The following NPM2 variants were observed in gnomAD, a reference collection of about 807,000 sequenced individuals.
The protein encoded by NPM2 is nucleophosmin/nucleoplasmin 2.
In NPM2, 25 loss-of-function variants were observed where a neutral mutation model predicts 32.0. That is an observed-to-expected ratio of 0.78 (90% confidence interval 0.57 to 1.09). The LOEUF (loss-of-function observed/expected upper bound fraction) is 1.09, where lower values mean the gene tolerates loss of function less well. Among genes scored for constraint, NPM2 ranks in the 50% least tolerant of loss-of-function variants. The pLI is 0.00. For missense variants in NPM2, 282 were observed against 259.9 expected, an observed-to-expected ratio of 1.08 and a Z score of -0.58; for synonymous variants, 111 against 94.2, an observed-to-expected ratio of 1.18 and a Z score of -1.04.
Position 22,036,833 on chromosome 8 carries a change from C to T in NPM2, c.*151C>T. On this transcript the variant is annotated 3_prime_UTR_variant, in exon 10 of 10. Transcript: ENST00000518119. ...TGAGAGCCCCTCACCCCCAACTCTC[C>T]ACTTTCAGGAGGCCCCCAGTGAAGA... 1 of 744,658 alleles carries T rather than the reference C, an allele frequency of 1.3e-6. No homozygotes were observed. Among genetic ancestry groups the T allele is most frequent in the Non-Finnish European group, 2.1e-6 (1 of 479,844 alleles). 46.1% of individuals were successfully genotyped at this position (744,658 alleles called of 1,614,324 possible).
chr8:22,027,283 T>G (rs1432097706), intron 5 of NPM2, among the ~76,000 whole-genome samples: 2 of 152,196 alleles, frequency 1.3e-5, no homozygotes, highest in African/African-American at 4.8e-5. Flanking sequence ...CTTGGAGGTT[T>G]GGGAGACCCC....
At chr8:22,036,562 G>A (rs1317336991) in intron 9 of NPM2, 36 bp downstream of exon 9, 7 of 1,578,158 alleles carry the variant, frequency 4.4e-6, no homozygotes, top group Non-Finnish European at 6.0e-6. Context: ...CCTTGGGACA[G>A]GCGAGTATTC....
chr8:22,026,697 C>T (rs896071986), intron 5 of NPM2, among the ~76,000 whole-genome samples: 19 of 152,260 alleles, frequency 1.2e-4, no homozygotes, highest in Non-Finnish European at 1.8e-4. Flanking sequence ...TCAGGTGATT[C>T]GCCCGCCTTG....
chr8:22,033,035 G>T, intron 5 of NPM2, 95 bp from the exon 6 acceptor site: 1 of 882,142 alleles, frequency 1.1e-6, no homozygotes. Context: ...GTAGGGTTTG[G>T]GGAGGGAAAT....
intron 5 of NPM2, among the ~76,000 whole-genome samples, chr8:22,031,411 C>T (rs1461347336): frequency 6.6e-6 from 1 of 152,292 alleles, no homozygotes; most frequent in Non-Finnish European, 1.5e-5. Context: ...TGCCTGAGCC[C>T]AAGGCCTTGT....
intron 6 of NPM2, 98 bp from the exon 7 acceptor site, chr8:22,034,011 G>A: frequency 6.7e-7 from 1 of 1,501,144 alleles, no homozygotes; most frequent in Non-Finnish European, 8.9e-7. Context: ...ATTCCTCCAG[G>A]GCAGTGCTTG....
chr8:22,036,620 C>G lies in NPM2; in HGVS notation c.601-18C>G, dbSNP rs1310234534. 6.4e-7 allele frequency: 1 copy of G among 1,552,172 alleles called. No individual in the cohort carries two copies. Among genetic ancestry groups the G allele is most frequent in the Non-Finnish European group, 8.7e-7 (1 of 1,147,504 alleles). ...GGAGAAGGGAACGGGACCCTGGAGC[C>G]CTGCCTTCCCTCCACAGGCCAAAGC... On this transcript the variant is annotated intron_variant, in intron 9 of 9. Coordinates refer to ENST00000518119, the MANE Select transcript of NPM2 (RefSeq NM_001286680.2).
chr8:22,026,595 C>T (rs147979564), intron 5 of NPM2, among the ~76,000 whole-genome samples: 56 of 151,898 alleles, frequency 3.7e-4, no homozygotes, highest in African/African-American at 1.3e-3. Context: ...GCTGGGATTA[C>T]AGGTGTGCAC....
At chr8:22,026,201 G>A (rs991950789) in intron 5 of NPM2, among the ~76,000 whole-genome samples, 10 of 152,000 alleles carry the variant, frequency 6.6e-5, no homozygotes, top group African/African-American at 1.9e-4. Flanking sequence ...TATGAGAATC[G>A]AATGCCTGAT....
At chr8:22,025,170 G>A (rs1164709658) in intron 2 of NPM2, 46 bp from the exon 3 acceptor site, 1 of 1,496,944 alleles carries the variant, frequency 6.7e-7, no homozygotes. Context: ...TCCAGTCGAG[G>A]GTCAGGGTCA....
chr8:22,025,084 C>A (rs1800189624), intron 2 of NPM2, 132 bp from the exon 3 acceptor site: 1 of 687,734 alleles, frequency 1.5e-6, no homozygotes, highest in Non-Finnish European at 2.4e-6. Flanking sequence ...GCCGGTGAGC[C>A]CTTGACCGTG....
At position 22,034,286 on chromosome 8, in the gene NPM2, G is replaced by A. The variant is rs1800545500; in HGVS notation, c.531+11G>A. 1 of 1,570,966 alleles carries A rather than the reference G, an allele frequency of 6.4e-7. No individual in the cohort carries two copies. The highest frequency in any genetic ancestry group is 8.6e-7 in the Non-Finnish European group (1 of 1,159,492). On this transcript the variant is annotated intron_variant, in intron 7 of 9. Coordinates refer to ENST00000518119, the MANE Select transcript of NPM2 (RefSeq NM_001286680.2). The stretch of plus-strand genomic sequence containing the variant: ...GCGAGCGTGGCTAAGGTGGGGGAAG[G>A]AGCGTGGCTGTTTGGAAGGAAGTGG...
intron 5 of NPM2, among the ~76,000 whole-genome samples, chr8:22,031,584 T>C (rs1413469220): frequency 1.3e-5 from 2 of 152,220 alleles, no homozygotes; most frequent in African/African-American, 4.8e-5. Context: ...TAGCTGGGAT[T>C]ACAGGTGTGC....
rs771435315 is a variant in NPM2 at position 22,025,639 on chromosome 8, C to G, written c.145-8C>G. On this transcript the variant is annotated splice_region_variant and splice_polypyrimidine_tract_variant and intron_variant, in intron 4 of 9. Coordinates refer to ENST00000518119, the MANE Select transcript of NPM2 (RefSeq NM_001286680.2). ...TGATGAGGGGCCTCTATTTTCAACC[C>G]CGCTCAGATTTGCTTGGGGGAGAAA... The G allele has an allele frequency of 1.0e-4, 164 of 1,614,034 alleles. No homozygotes were observed. The highest frequency in any genetic ancestry group is 1.3e-4 in the Non-Finnish European group (157 of 1,180,030).
intron 5 of NPM2, among the ~76,000 whole-genome samples, chr8:22,030,800 C>A (rs550028932): frequency 2.6e-5 from 4 of 152,162 alleles, no homozygotes; most frequent in South Asian, 2.1e-4. Context: ...CGGCCTCAGC[C>A]CCCCCGAGTA....
chr8:22,029,625 T>A (rs1800368535), intron 5 of NPM2, among the ~76,000 whole-genome samples: 1 of 152,260 alleles, frequency 6.6e-6, no homozygotes, highest in African/African-American at 2.4e-5. Flanking sequence ...TCCTTCTTGA[T>A]CTAATTTCTT....
Position 22,033,180 on chromosome 8 carries a change from G to A in NPM2, c.321G>A (p.Arg107=). 6.2e-6 allele frequency: 10 copies of A among 1,614,036 alleles called. No individual in the cohort carries two copies. The highest frequency in any genetic ancestry group is 8.5e-6 in the Non-Finnish European group (10 of 1,180,006). ...QLSPPVTFQL[R]AGSGPVFLSG... ...CTCCCCCAGTTACTTTCCAGCTCCG[G>A]GCTGGCTCAGGACCCGTGTTCCTCA... The change falls in exon 6 of 10, where the codon CGG becomes CGA. Residue 107 remains arginine (R), a synonymous_variant. Coordinates refer to ENST00000518119, the MANE Select transcript of NPM2 (RefSeq NM_001286680.2).
At position 22,025,520 on chromosome 8, in the gene NPM2, C is replaced by A. The variant is rs142852114; in HGVS notation, c.143C>A (p.Thr48Lys). The change falls in exon 4 of 10, where the codon ACG becomes AAG. Residue 48 changes from threonine to lysine, a missense_variant and splice_region_variant. Transcript: ENST00000518119. ...CAGAGCTGCAGGCTGTTGCTTCATACGGTAGGTGTTCCCAAAAGAGGGGAG... is the reference window on the plus strand; with the variant it reads ...CAGAGCTGCAGGCTGTTGCTTCATAAGGTAGGTGTTCCCAAAAGAGGGGAG... ...GKQSCRLLLH[T>K]ICLGEKAKEE... 13 of 1,613,958 alleles carry A rather than the reference C, an allele frequency of 8.1e-6. No individual in the cohort carries two copies. The East Asian group carries it at 2.5e-4, about 30-fold the overall frequency.
In NPM2 at chr8:22,034,119, C is replaced by G. The variant is rs368252382; in HGVS notation, c.375C>G (p.Asp125Glu). The G allele has an allele frequency of 3.8e-6, 6 of 1,597,934 alleles. No homozygotes were observed. Among genetic ancestry groups the G allele is most frequent in the Non-Finnish European group, 5.1e-6 (6 of 1,173,428 alleles). Residue 125 changes from aspartate (D) to glutamate (E), a missense_variant, in exon 7 of 10, where the codon GAC (aspartate) becomes GAG (glutamate). Physicochemically the swap from Asp to Glu is conservative, Grantham distance 45 (BLOSUM62 2). Transcript: ENST00000518119. ...CCCATGCTATTACAGAAGCATCAGA[C>G]CTAACCTGGGAGGAGGAGGAGGAAG... is the stretch of plus-strand genomic sequence containing the variant. Reference protein sequence around the residue: ...LSGQERYEASDLTWEEEEEEE... With the variant: ...LSGQERYEASELTWEEEEEEE...
Sources: allele counts gnomAD v4.1 joint callset (sites outside exome capture counted in the v4.1 genomes callset), GRCh38; gene constraint gnomAD v4.1.1; transcripts MANE v1.5; gene names NCBI Gene and HGNC (gene_info 2026-07-23, HGNC 2026-07-21).